The following IGF2BP2 variants were observed in gnomAD, a reference collection of about 807,000 sequenced individuals.
IGF2BP2 encodes the protein insulin like growth factor 2 mRNA binding protein 2, also known as insulin-like growth factor 2 mRNA-binding protein 2.
Under a neutral mutation model 75.8 loss-of-function variants are expected in IGF2BP2, and 17 were observed. The ratio of observed to expected loss-of-function variants is 0.22; its 90% confidence interval spans 0.15 to 0.34. The LOEUF is 0.34. Among genes scored for constraint, IGF2BP2 ranks in the 10% least tolerant of loss-of-function variants. The pLI is 1.00. For missense variants in IGF2BP2, 516 were observed against 772.4 expected (o/e 0.67, Z 3.93); for synonymous variants, 288 against 295.6 (o/e 0.97, Z 0.26).
intron 7 of IGF2BP2, among the ~76,000 whole-genome samples, chr3:185,681,159 T>C (rs1720328957): frequency 6.6e-6 from 1 of 152,202 alleles, no homozygotes; most frequent in African/African-American, 2.4e-5. Context: ...ATGATCTCTA[T>C]TCACAGATGA....
intron 2 of IGF2BP2, among the ~76,000 whole-genome samples, chr3:185,706,623 G>A (rs895653814): frequency 1.3e-5 from 2 of 152,146 alleles, no homozygotes; most frequent in African/African-American, 2.4e-5. Context: ...GGACAGAATT[G>A]TAACAGGAAG....
intron 10 of IGF2BP2, among the ~76,000 whole-genome samples, chr3:185,663,362 G>T (rs1228072091): frequency 6.6e-6 from 1 of 152,250 alleles, no homozygotes; most frequent in Non-Finnish European, 1.5e-5. Flanking sequence ...TAACTGAGAG[G>T]CAGAGGGAGA....
At chr3:185,800,405 G>A (rs1317617503) in intron 2 of IGF2BP2, among the ~76,000 whole-genome samples, 1 of 151,956 alleles carries the variant, frequency 6.6e-6, no homozygotes. Context: ...TTGTGCACAT[G>A]TACCCTAGAA....
intron 2 of IGF2BP2, among the ~76,000 whole-genome samples, chr3:185,762,344 A>G (rs1306504836): frequency 2.8e-5 from 4 of 145,400 alleles, no homozygotes; most frequent in East Asian, 2.1e-4. Flanking sequence ...CCTGGCCAAC[A>G]TGGTGAAACC....
intron 2 of IGF2BP2, among the ~76,000 whole-genome samples, chr3:185,792,946 C>T (rs746026710): frequency 5.9e-5 from 9 of 152,112 alleles, no homozygotes; most frequent in Non-Finnish European, 1.3e-4. Context: ...TCCTCTATCT[C>T]AGCCAGAATA....
chr3:185,777,852 G>T (rs1734710645), intron 2 of IGF2BP2, among the ~76,000 whole-genome samples: 1 of 152,100 alleles, frequency 6.6e-6, no homozygotes, highest in Non-Finnish European at 1.5e-5. Flanking sequence ...GACCAACCCG[G>T]TCAACATGGT....
chr3:185,685,110 G>A (rs1304969709), intron 7 of IGF2BP2, among the ~76,000 whole-genome samples: 2 of 152,140 alleles, frequency 1.3e-5, no homozygotes, highest in Non-Finnish European at 2.9e-5. Context: ...CACATTGGGA[G>A]GCCAAGGCGG....
intron 2 of IGF2BP2, among the ~76,000 whole-genome samples, chr3:185,763,725 G>A (rs540303572): frequency 3.3e-5 from 5 of 152,320 alleles, no homozygotes; most frequent in East Asian, 3.9e-4. Context: ...ACTCTCAGCT[G>A]CAGAACAAAG....
At chr3:185,691,947 C>T (rs1577988596) in intron 5 of IGF2BP2, among the ~76,000 whole-genome samples, 2 of 152,182 alleles carry the variant, frequency 1.3e-5, no homozygotes, top group Admixed American at 1.3e-4. Context: ...CTATGTTGTC[C>T]AGGTTGGTCT....
chr3:185,733,056 C>A (rs1468311539), intron 2 of IGF2BP2, among the ~76,000 whole-genome samples: 2 of 152,278 alleles, frequency 1.3e-5, no homozygotes, highest in Admixed American at 1.3e-4. Flanking sequence ...CCACCCTATT[C>A]ATCTAGGAAC....
At chr3:185,680,472 G>A (rs1720208822) in intron 7 of IGF2BP2, among the ~76,000 whole-genome samples, 1 of 152,154 alleles carries the variant, frequency 6.6e-6, no homozygotes, top group African/African-American at 2.4e-5. Context: ...GCTTTACCCT[G>A]ATTCCAAAGC....
chr3:185,763,849 C>T (rs1732699542), intron 2 of IGF2BP2, among the ~76,000 whole-genome samples: 1 of 152,050 alleles, frequency 6.6e-6, no homozygotes, highest in African/African-American at 2.4e-5. Flanking sequence ...GGGAAACAGT[C>T]TCTAAAGAAG....
chr3:185,769,176 T>C (rs1733521196), intron 2 of IGF2BP2, among the ~76,000 whole-genome samples: 1 of 151,866 alleles, frequency 6.6e-6, no homozygotes, highest in Non-Finnish European at 1.5e-5. Flanking sequence ...AACCCCCACC[T>C]CTATAAAAAT....
Position 185,824,754 on chromosome 3 carries a change from G to A in IGF2BP2, c.178+29C>T, listed in dbSNP as rs1160603467. 2.3e-6 allele frequency: 3 copies of A among 1,286,426 alleles called. No individual in the cohort carries two copies. In the Admixed American group the frequency reaches 9.5e-5, roughly 41 times the overall value. 79.7% of individuals were successfully genotyped at this position (1,286,426 alleles called of 1,614,324 possible). On this transcript the variant is annotated intron_variant, in intron 1 of 15. Transcript: ENST00000382199. ...CGTCCCGGCCTGAGCGGGGCGAGGC[G>A]GGGGGAGGGGGCCGCGCTGAGTGCT... is the stretch of plus-strand genomic sequence containing the variant.
chr3:185,648,000 T>C lies in IGF2BP2; in HGVS notation c.1594-862A>G, dbSNP rs1467870398. On this transcript the variant is annotated intron_variant, in intron 14 of 15. Coordinates refer to ENST00000382199, the MANE Select transcript of IGF2BP2 (RefSeq NM_006548.6). This position sits in a 1 kb window ranked among gnomAD's most constrained non-coding sequence, Gnocchi z 4.9. ...GATCCATCTGCTTTCTTTTGCCTCC[T>C]ACATTCCAGCTCCGCCTAAAGCGCA... Among the ~76,000 whole-genome samples the C allele has an allele frequency of 6.6e-6, 1 of 152,252 alleles. No individual in the cohort carries two copies. Among genetic ancestry groups the C allele is most frequent in the African/African-American group, 2.4e-5 (1 of 41,474 alleles).
At chr3:185,732,641 A>C (rs1183203182) in intron 2 of IGF2BP2, among the ~76,000 whole-genome samples, 1 of 152,202 alleles carries the variant, frequency 6.6e-6, no homozygotes, top group Non-Finnish European at 1.5e-5. Context: ...CAAGCTCTCT[A>C]AAATCAAAAC....
intron 9 of IGF2BP2, among the ~76,000 whole-genome samples, chr3:185,674,197 A>G (rs1718949001): frequency 6.6e-6 from 1 of 152,174 alleles, no homozygotes; most frequent in South Asian, 2.1e-4. Context: ...TCTCTAAGAA[A>G]TATTATCAGG....
intron 6 of IGF2BP2, among the ~76,000 whole-genome samples, chr3:185,687,683 T>G (rs1721337186): frequency 6.6e-6 from 1 of 152,262 alleles, no homozygotes; most frequent in African/African-American, 2.4e-5. Context: ...TCTCTCTGCC[T>G]AAGTTTTTGG....
At chr3:185,718,657 C>T (rs1217067135) in intron 2 of IGF2BP2, among the ~76,000 whole-genome samples, 1 of 140,524 alleles carries the variant, frequency 7.1e-6, no homozygotes, top group Non-Finnish European at 1.5e-5. Flanking sequence ...CGCACTCCAG[C>T]CTGGACAACA....
Sources: gnomAD v4.1 joint callset for allele counts (sites outside exome capture counted in the v4.1 genomes callset) on GRCh38, gnomAD v4.1.1 for gene constraint, Gnocchi (gnomAD v3.1) non-coding constraint, MANE v1.5 for transcripts, NCBI Gene and HGNC (gene_info 2026-07-23, HGNC 2026-07-21) for gene names.